RALGAPA2: variants seen among roughly 807,000 people sequenced by gnomAD.
The protein encoded by RALGAPA2 is Ral GTPase activating protein catalytic subunit alpha 2, also known as ral GTPase-activating protein subunit alpha-2.
Under a neutral mutation model 230.4 loss-of-function variants are expected in RALGAPA2, and 139 were observed. The ratio of observed to expected loss-of-function variants is 0.60; its 90% CI spans 0.53 to 0.69. The LOEUF (loss-of-function observed/expected upper bound fraction) is 0.69, where lower values mean the gene tolerates loss of function less well. RALGAPA2 is among the 30% of genes least tolerant of loss of function. The pLI, the probability that RALGAPA2 is intolerant of heterozygous loss-of-function variation, is 0.00. For synonymous variants in RALGAPA2, 847 were observed against 837.8 expected (o/e 1.01, Z -0.19); for missense variants, 2,163 against 2,276.0 (o/e 0.95, Z 1.01).
At chr20:20,586,811 G>GA (rs1675610339) in intron 18 of RALGAPA2, among the ~76,000 whole-genome samples, 1 of 152,068 alleles carries the variant, frequency 6.6e-6, no homozygotes, top group African/African-American at 2.4e-5. Context: ...AATGAGAATA[G>GA]AAAATATAAA....
At chr20:20,490,006 G>T (rs534909946) in intron 36 of RALGAPA2, among the ~76,000 whole-genome samples, 12 of 152,332 alleles carry the variant, frequency 7.9e-5, no homozygotes, top group Admixed American at 7.2e-4. Flanking sequence ...GGGAAACAAC[G>T]TCAACTTCTG....
At chr20:20,531,592 T>C in intron 27 of RALGAPA2, 95 bp downstream of exon 27, 3 of 1,043,080 alleles carry the variant, frequency 2.9e-6, no homozygotes, top group Non-Finnish European at 4.3e-6. Context: ...CCTCTGTCAT[T>C]TGGGGGATAA....
At chr20:20,595,486 G>C (rs1297570494) in intron 16 of RALGAPA2, among the ~76,000 whole-genome samples, 2 of 152,178 alleles carry the variant, frequency 1.3e-5, no homozygotes, top group Non-Finnish European at 2.9e-5. Context: ...ACACAAACCA[G>C]ATGCAGAAGC....
intron 27 of RALGAPA2, among the ~76,000 whole-genome samples, chr20:20,528,470 A>G (rs1394480455): frequency 6.6e-6 from 1 of 152,128 alleles, no homozygotes; most frequent in Non-Finnish European, 1.5e-5. Flanking sequence ...TGGGTATTCA[A>G]TGGGCATTCA....
chr20:20,571,939 T>G lies in RALGAPA2; in HGVS notation c.2909A>C (p.Asp970Ala). The part of the protein sequence containing the change: ...ELWYKLAKIR[D>A]NLAISLDNQS... ...GTTATCCAGGCTTATTGCTAGATTA[T>G]CCCGTATCTAATTCACAAAGAGGAG... The change falls in exon 22 of 40, where the codon GAT (aspartate) becomes GCT (alanine). Residue 970 changes from aspartate (D) to alanine (A), a missense_variant. Transcript: ENST00000202677. 1 of 1,603,004 alleles carries G rather than the reference T, an allele frequency of 6.2e-7. No individual in the cohort carries two copies. Among genetic ancestry groups the G allele is most frequent in the Non-Finnish European group, 8.5e-7 (1 of 1,172,678 alleles).
chr20:20,407,386 A>T (rs2059968799), intron 38 of RALGAPA2, among the ~76,000 whole-genome samples: 1 of 152,232 alleles, frequency 6.6e-6, no homozygotes, highest in Non-Finnish European at 1.5e-5. Flanking sequence ...GTTAGGATTT[A>T]CTTGTGCTGT....
intron 14 of RALGAPA2, 150 bp downstream of exon 14, chr20:20,611,165 A>G (rs2065963706): frequency 8.7e-7 from 1 of 1,154,488 alleles, no homozygotes. Flanking sequence ...TGTAAAGAAC[A>G]GATCATAACC....
Position 20,712,612 on chromosome 20 carries a change from C to A in RALGAPA2, c.-132G>T. 2 of 1,181,638 alleles carry A rather than the reference C, an allele frequency of 1.7e-6. No homozygotes were observed. The highest frequency in any genetic ancestry group is 2.1e-6 in the Non-Finnish European group (2 of 950,056). 73.2% of individuals were successfully genotyped at this position (1,181,638 alleles called of 1,614,324 possible). ...CCCCCAGCCCCGCTGCTGCCGCCGC[C>A]GCCGCCGCCGCCGCCGCCTCAGCTG... is the stretch of plus-strand genomic sequence containing the variant. On this transcript the variant is annotated 5_prime_UTR_variant, in exon 1 of 40. Coordinates refer to ENST00000202677, the MANE Select transcript of RALGAPA2 (RefSeq NM_020343.4). The surrounding 1 kb of genome is among the most constrained non-coding windows in gnomAD (Gnocchi z 5.5).
At chr20:20,427,784 G>T (rs897753181) in intron 37 of RALGAPA2, among the ~76,000 whole-genome samples, 1 of 89,166 alleles carries the variant, frequency 1.1e-5, no homozygotes, top group Admixed American at 1.1e-4. Flanking sequence ...AGGGAAAAAA[G>T]ATTTTTTTTT....
At chr20:20,396,926 CGT>C (rs1569357795) in intron 38 of RALGAPA2, among the ~76,000 whole-genome samples, 192 bp from the exon 39 acceptor site, 1 of 152,114 alleles carries the variant, frequency 6.6e-6, no homozygotes, top group Non-Finnish European at 1.5e-5. Context: ...AAGCCGATGT[CGT>C]GTTTACAAAT....
Position 20,396,688 on chromosome 20 carries a change from G to A in RALGAPA2, c.*35+7C>T, listed in dbSNP as rs1443608263. 7 of 1,607,326 alleles carry A rather than the reference G, an allele frequency of 4.4e-6. No individual in the cohort carries two copies. The highest frequency in any genetic ancestry group is 1.1e-5 in the South Asian group (1 of 90,504). On this transcript the variant is annotated splice_region_variant and intron_variant, in intron 39 of 39. Transcript: ENST00000202677. The stretch of plus-strand genomic sequence containing the variant: ...GCTGGACAAATCCACTGAAGTGTCT[G>A]TCTTACCTTGCTCAAATATTGAAAT...
chr20:20,516,968 A>G (rs534410680), intron 31 of RALGAPA2, among the ~76,000 whole-genome samples: 1 of 152,208 alleles, frequency 6.6e-6, no homozygotes, highest in Non-Finnish European at 1.5e-5. Context: ...CAACAGGGAA[A>G]GTCTGCACCT....
intron 23 of RALGAPA2, among the ~76,000 whole-genome samples, chr20:20,552,982 C>G (rs1367613910): frequency 6.6e-6 from 1 of 150,764 alleles, no homozygotes; most frequent in African/African-American, 2.4e-5. Flanking sequence ...ACAAAAAACA[C>G]AGCAGAGCAC....
chr20:20,511,984 T>C (rs570728834), intron 32 of RALGAPA2, among the ~76,000 whole-genome samples: 1 of 151,918 alleles, frequency 6.6e-6, no homozygotes, highest in Non-Finnish European at 1.5e-5. Context: ...AGGTCAGTAG[T>C]TTGAGACCAG....
chr20:20,664,756 C>A (rs1017184995), intron 3 of RALGAPA2, among the ~76,000 whole-genome samples: 9 of 152,266 alleles, frequency 5.9e-5, no homozygotes, highest in Admixed American at 1.3e-4. Flanking sequence ...AATAACAAAA[C>A]CCCAGTGAGA....
intron 9 of RALGAPA2, among the ~76,000 whole-genome samples, chr20:20,631,544 T>C (rs926495766): frequency 6.6e-6 from 1 of 152,180 alleles, no homozygotes; most frequent in Admixed American, 6.5e-5. Context: ...GGTGGTGTGA[T>C]GCAGGGCCAC....
At chr20:20,401,087 T>C (rs2059824827) in intron 38 of RALGAPA2, among the ~76,000 whole-genome samples, 1 of 152,184 alleles carries the variant, frequency 6.6e-6, no homozygotes, top group Non-Finnish European at 1.5e-5. Flanking sequence ...TGAAATGTTA[T>C]AGAATTTGAT....
intron 23 of RALGAPA2, among the ~76,000 whole-genome samples, chr20:20,557,771 T>C (rs1055096622): frequency 2.6e-5 from 4 of 152,168 alleles, no homozygotes; most frequent in Non-Finnish European, 4.4e-5. Context: ...TTTGGAACCA[T>C]AAAAACTTAG....
At chr20:20,537,186 G>A (rs937871260) in intron 24 of RALGAPA2, among the ~76,000 whole-genome samples, 10 of 152,136 alleles carry the variant, frequency 6.6e-5, no homozygotes, top group African/African-American at 1.7e-4. Flanking sequence ...GGTAACTATC[G>A]GAGAGTAGAA....
Sources: gnomAD v4.1 joint callset for allele counts (sites outside exome capture counted in the v4.1 genomes callset) on GRCh38, gnomAD v4.1.1 for gene constraint, Gnocchi (gnomAD v3.1) non-coding constraint, MANE v1.5 for transcripts, NCBI Gene and HGNC (gene_info 2026-07-23, HGNC 2026-07-21) for gene names.